Variants in ZNF526 observed in about 807,000 individuals in gnomAD.
The protein encoded by ZNF526 is zinc finger protein 526.
A neutral mutation model predicts 32.4 loss-of-function variants in ZNF526; 16 were observed. The ratio of observed to expected loss-of-function variants is 0.49; its 90% CI spans 0.33 to 0.75. The LOEUF is 0.75. Among genes scored for constraint, ZNF526 ranks in the 30% least tolerant of loss-of-function variants. ZNF526 has a pLI of 0.02. For missense variants in ZNF526, 838 were observed against 920.7 expected (o/e 0.91, Z 1.16); for synonymous variants, 355 against 363.4 (o/e 0.98, Z 0.26).
rs777569840 is a variant in ZNF526, at chr19:42,225,815, G to A, written c.1412G>A (p.Arg471His). The change falls in exon 3 of 3, where the codon CGT becomes CAT. Residue 471 changes from arginine (R) to histidine (H), a missense_variant. Transcript: ENST00000301215. The stretch of plus-strand genomic sequence containing the variant: ...GCAGTACACGGGCCCCCTGAACGGC[G>A]TCACCGCTGTGGGGTTTGTGGCAAG... ...RRAVHGPPER[R>H]HRCGVCGKGF... is the part of the protein sequence containing the mutation. 6.2e-6 allele frequency: 10 copies of A among 1,613,776 alleles called. No individual in the cohort carries two copies. The highest frequency in any genetic ancestry group is 6.8e-6 in the Non-Finnish European group (8 of 1,180,018).
intron 1 of ZNF526, among the ~76,000 whole-genome samples, chr19:42,223,501 C>A (rs746078458): frequency 1.3e-5 from 2 of 152,078 alleles, no homozygotes; most frequent in Admixed American, 6.6e-5. Context: ...ATTAGCCGGG[C>A]GTGGTTGCAG....
chr19:42,226,799 G>A lies in ZNF526; in HGVS notation c.*383G>A. ...ATATACCTCTTCAGATCCTCTGCTTGTACCCCCAGCCCTTGCCTTCCCTGG... is the reference window on the plus strand; with the variant it reads ...ATATACCTCTTCAGATCCTCTGCTTATACCCCCAGCCCTTGCCTTCCCTGG... On this transcript the variant is annotated 3_prime_UTR_variant, in exon 3 of 3. Transcript: ENST00000301215. The A allele has an allele frequency of 2.9e-6, 1 of 345,942 alleles. No individual in the cohort carries two copies. The highest frequency in any genetic ancestry group is 2.7e-5 in the South Asian group (1 of 36,974). The allele number at this position is 345,942 out of a possible 1,614,324, so 21.4% of individuals were successfully genotyped here. A position where few individuals can be genotyped will look rare whatever the true frequency, so the allele number is the denominator to read the frequency against.
chr19:42,223,295 G>T (rs1465579737), intron 1 of ZNF526, among the ~76,000 whole-genome samples: 1 of 151,868 alleles, frequency 6.6e-6, no homozygotes. Flanking sequence ...GATCACGAGG[G>T]CAAGAGATCG....
In ZNF526 at chr19:42,224,841, G is replaced by A; in HGVS notation, c.438G>A (p.Gln146=). The change falls in exon 3 of 3, where the codon CAG becomes CAA. Residue 146 remains glutamine, a synonymous_variant. Transcript: ENST00000301215. ...TCCAATACCAGTGCTGGGACTGCCAGGAGCTGTTCCCCTCGCCCGAGCTGT... is the reference window on the plus strand; with the variant it reads ...TCCAATACCAGTGCTGGGACTGCCAAGAGCTGTTCCCCTCGCCCGAGCTGT... ...NQIQYQCWDC[Q]ELFPSPELWV... 1 of 1,613,880 alleles carries A rather than the reference G, an allele frequency of 6.2e-7. No homozygotes were observed. The highest frequency in any genetic ancestry group is 2.2e-5 in the East Asian group (1 of 44,862).
Position 42,224,231 on chromosome 19 carries a change from T to C in ZNF526, c.-92T>C. ...CTCCTGCAGGCTGCCGTGGGGTGTG[T>C]GTAGGCTTCAGAGACATGGGATCAC... On this transcript the variant is annotated 5_prime_UTR_variant, in exon 2 of 3. Coordinates refer to ENST00000301215, the MANE Select transcript of ZNF526 (RefSeq NM_133444.3). 1 of 664,434 alleles carries C rather than the reference T, an allele frequency of 1.5e-6. No homozygotes were observed. Among genetic ancestry groups the C allele is most frequent in the South Asian group, 1.6e-5 (1 of 61,018 alleles). 41.2% of individuals were successfully genotyped at this position (664,434 alleles called of 1,614,324 possible).
chr19:42,222,845 G>GA (rs2036136652), intron 1 of ZNF526, among the ~76,000 whole-genome samples: 1 of 152,144 alleles, frequency 6.6e-6, no homozygotes, highest in South Asian at 2.1e-4. Context: ...GAGTTTGTCA[G>GA]ACAAAAAGAG....
intron 1 of ZNF526, chr19:42,220,716 T>C (rs576768302): frequency 8.5e-5 from 13 of 152,274 alleles, no homozygotes; most frequent in South Asian, 6.2e-4. Flanking sequence ...CTTACTGATA[T>C]ACTGTGTGAA....
chr19:42,222,390 G>A (rs2036133413), intron 1 of ZNF526, among the ~76,000 whole-genome samples: 1 of 152,072 alleles, frequency 6.6e-6, no homozygotes, highest in Non-Finnish European at 1.5e-5. Flanking sequence ...CCGGCAATAT[G>A]AGCAACTTCT....
At chr19:42,221,786 C>T (rs1454545319) in intron 1 of ZNF526, among the ~76,000 whole-genome samples, 1 of 150,996 alleles carries the variant, frequency 6.6e-6, no homozygotes, top group African/African-American at 2.4e-5. Flanking sequence ...CACTGCACTG[C>T]AGCCTGGGCA....
intron 1 of ZNF526, among the ~76,000 whole-genome samples, chr19:42,222,891 A>G (rs981153086): frequency 1.7e-4 from 25 of 150,564 alleles, no homozygotes; most frequent in African/African-American, 5.3e-4. Flanking sequence ...TAGCAACATC[A>G]AAGACTTAGG....
rs774698296 is a variant in ZNF526 at position 42,225,371 on chromosome 19, A to G, written c.968A>G (p.His323Arg). 2 of 1,613,888 alleles carry G rather than the reference A, an allele frequency of 1.2e-6. No homozygotes were observed. Residue 323 changes from histidine to arginine, a missense_variant, in exon 3 of 3, where the codon CAT (histidine) becomes CGT (arginine). By Grantham distance (29) the His-to-Arg change is conservative (BLOSUM62 0). Transcript: ENST00000301215. The stretch of plus-strand genomic sequence containing the variant: ...AGCTCCGCCAACCGGCTGCAGGCTC[A>G]TGGGCGGGCCCATGTTGGTGGCACA... ...SFSSANRLQAHGRAHVGGTHE... is the reference protein window; with the variant it reads ...SFSSANRLQARGRAHVGGTHE...
Position 42,225,659 on chromosome 19 carries a change from G to C in ZNF526, c.1256G>C (p.Gly419Ala). ...GGCAAAAGCGGGGCACCTCCCACAGGAGCAACAGCTCCCCCAGCTCCAGCG... is the reference window on the plus strand; with the variant it reads ...GGCAAAAGCGGGGCACCTCCCACAGCAGCAACAGCTCCCCCAGCTCCAGCG... ...HAGKSGAPPTGATAPPAPAEP... is the reference protein window; with the variant it reads ...HAGKSGAPPTAATAPPAPAEP... Residue 419 changes from glycine (G) to alanine (A), a missense_variant, in exon 3 of 3, where the codon GGA (glycine) becomes GCA (alanine). By Grantham distance (60) the Gly-to-Ala change is moderately conservative (BLOSUM62 0). Transcript: ENST00000301215. The C allele has an allele frequency of 6.2e-7, 1 of 1,613,418 alleles. No homozygotes were observed. Among genetic ancestry groups the C allele is most frequent in the Non-Finnish European group, 8.5e-7 (1 of 1,179,746 alleles).
chr19:42,222,754 T>C (rs1371035969), intron 1 of ZNF526, among the ~76,000 whole-genome samples: 4 of 152,100 alleles, frequency 2.6e-5, no homozygotes, highest in African/African-American at 9.7e-5. Context: ...ATATTTGCCA[T>C]GATAGAGGTG....
intron 1 of ZNF526, among the ~76,000 whole-genome samples, chr19:42,221,409 G>C (rs1038710986): frequency 6.6e-6 from 1 of 152,134 alleles, no homozygotes; most frequent in Admixed American, 6.5e-5. Flanking sequence ...ATGGTGGGTG[G>C]ATTTCTTGAG....
At chr19:42,223,652 C>A (rs547022765) in intron 1 of ZNF526, among the ~76,000 whole-genome samples, 7 of 150,686 alleles carry the variant, frequency 4.6e-5, no homozygotes, top group African/African-American at 7.3e-5. Context: ...ACAATAACAA[C>A]AAAAAAATAC....
rs2036187798 is a variant in ZNF526, at chr19:42,226,986, C to T, written c.*570C>T. The T allele has an allele frequency of 4.8e-6, 1 of 209,488 alleles. No individual in the cohort carries two copies. The highest frequency in any genetic ancestry group is 5.3e-5 in the Admixed American group (1 of 18,908). The allele number at this position is 209,488 out of a possible 1,614,324, so 13.0% of individuals were successfully genotyped here. Reference sequence around the variant, plus strand: ...AGACCCAGGAGCAAGTCAGCACAGGCTCTGCCCACAGGAGGCATGCACAAT... The same window carrying T: ...AGACCCAGGAGCAAGTCAGCACAGGTTCTGCCCACAGGAGGCATGCACAAT... On this transcript the variant is annotated 3_prime_UTR_variant, in exon 3 of 3. Coordinates refer to ENST00000301215, the MANE Select transcript of ZNF526 (RefSeq NM_133444.3).
Position 42,227,740 on chromosome 19 carries a change from CAGAGTGAG to C in ZNF526, c.*1326_*1333del, listed in dbSNP as rs2036193838. ...CGCCACTGCACTCCAGCCTGGGCGACAGAGTGAGACTCCCTCTCAAAAGAAAATAAAAA... is the reference window on the plus strand; with the variant it reads ...CGCCACTGCACTCCAGCCTGGGCGACACTCCCTCTCAAAAGAAAATAAAAA... On this transcript the variant is annotated 3_prime_UTR_variant, in exon 3 of 3. Transcript: ENST00000301215. 6.6e-6 allele frequency: 1 copy of C among 151,840 alleles called. No homozygotes were observed. Among genetic ancestry groups the C allele is most frequent in the Non-Finnish European group, 1.5e-5 (1 of 68,020 alleles). The allele number at this position is 151,840 out of a possible 1,614,324, so 9.4% of individuals were successfully genotyped here.
In ZNF526 at chr19:42,223,773, C is replaced by T. The variant is rs1257475852; in HGVS notation, c.-108-442C>T. ...TGGAGGTTGTAGTGAGCCGAGATTG[C>T]GCCACTGTACTCTAGCCTGGCAACA... On this transcript the variant is annotated intron_variant, in intron 1 of 2. Coordinates refer to ENST00000301215, the MANE Select transcript of ZNF526 (RefSeq NM_133444.3). Among the ~76,000 whole-genome samples, 11 of 138,096 alleles carry T rather than the reference C, an allele frequency of 8.0e-5. No individual in the cohort carries two copies. The East Asian group carries it at 1.1e-3, about 14-fold the overall frequency. 90.6% of individuals were successfully genotyped at this position (138,096 alleles called of 152,430 possible). A position where few individuals can be genotyped will look rare whatever the true frequency, so the allele number is the denominator to read the frequency against.
Position 42,227,947 on chromosome 19 carries a change from C to T in ZNF526, c.*1531C>T, listed in dbSNP as rs187507851. Reference sequence around the variant, plus strand: ...GGCCTGGTGGCACATGCCTGTAATCCGAGTGCTTTGGGAGGCTGAGGCAGG... The same window carrying T: ...GGCCTGGTGGCACATGCCTGTAATCTGAGTGCTTTGGGAGGCTGAGGCAGG... On this transcript the variant is annotated 3_prime_UTR_variant, in exon 3 of 3. Transcript: ENST00000301215. 6.6e-6 allele frequency: 1 copy of T among 152,112 alleles called. No individual in the cohort carries two copies. The highest frequency in any genetic ancestry group is 2.4e-5 in the African/African-American group (1 of 41,502). 9.4% of individuals were successfully genotyped at this position (152,112 alleles called of 1,614,324 possible).
Sources: gnomAD v4.1 joint callset for allele counts (sites outside exome capture counted in the v4.1 genomes callset) on GRCh38, gnomAD v4.1.1 for gene constraint, MANE v1.5 for transcripts, NCBI Gene and HGNC (gene_info 2026-07-23, HGNC 2026-07-21) for gene names.